The following CCDC146 variants were observed in gnomAD, a reference collection of about 807,000 sequenced individuals.
CCDC146 encodes coiled-coil domain-containing protein 146.
CCDC146 carries 92 observed loss-of-function variants against 119.3 expected under a neutral mutation model. That is an observed-to-expected ratio of 0.77 (90% confidence interval 0.65 to 0.92). CCDC146 has a LOEUF of 0.92. Among genes scored for constraint, CCDC146 ranks in the 40% least tolerant of loss-of-function variants. The pLI is 0.00. For missense variants in CCDC146, 1,000 were observed against 1,103.0 expected, an observed-to-expected ratio of 0.91 and a Z score of 1.32; for synonymous variants, 372 against 371.8, an observed-to-expected ratio of 1.00 and a Z score of -0.01.
intron 3 of CCDC146, 30 bp from the exon 4 acceptor site, chr7:77,241,661 A>T (rs1158580076): frequency 6.3e-7 from 1 of 1,599,900 alleles, no homozygotes; most frequent in African/African-American, 1.3e-5. Flanking sequence ...ATGTCTCATT[A>T]TGTGAGTCTC....
chr7:77,272,374 T>C (rs935337769), intron 9 of CCDC146, among the ~76,000 whole-genome samples: 7 of 152,206 alleles, frequency 4.6e-5, no homozygotes, highest in African/African-American at 1.7e-4. Flanking sequence ...CTACTGAAGA[T>C]ACCCTGATTC....
intron 9 of CCDC146, among the ~76,000 whole-genome samples, chr7:77,263,257 G>T (rs1163542948): frequency 6.6e-6 from 1 of 152,168 alleles, no homozygotes; most frequent in East Asian, 1.9e-4. Flanking sequence ...AGACAAAAGT[G>T]ACACGTGTCA....
intron 1 of CCDC146, among the ~76,000 whole-genome samples, chr7:77,163,453 A>G (rs575533283): frequency 6.6e-6 from 1 of 152,212 alleles, no homozygotes; most frequent in Non-Finnish European, 1.5e-5. Context: ...GTCTCAAAAA[A>G]AAAAATACAC....
At chr7:77,130,161 G>A (rs774315923) in intron 1 of CCDC146, among the ~76,000 whole-genome samples, 1 of 152,086 alleles carries the variant, frequency 6.6e-6, no homozygotes, top group Non-Finnish European at 1.5e-5. Context: ...TTGTGAAATT[G>A]TGGAGAAGAC....
chr7:77,126,849 A>G (rs1283729165), intron 1 of CCDC146, among the ~76,000 whole-genome samples: 2 of 152,026 alleles, frequency 1.3e-5, no homozygotes, highest in East Asian at 1.9e-4. Context: ...TGAGTCCCCA[A>G]ACTGGTATGC....
intron 15 of CCDC146, among the ~76,000 whole-genome samples, chr7:77,284,859 G>C (rs1793821652): frequency 6.6e-6 from 1 of 151,984 alleles, no homozygotes; most frequent in Admixed American, 6.6e-5. Context: ...CATCAATCAT[G>C]TGTACCCTTG....
At chr7:77,286,192 G>A (rs542427028) in intron 15 of CCDC146, among the ~76,000 whole-genome samples, 63 of 152,332 alleles carry the variant, frequency 4.1e-4, no homozygotes, top group African/African-American at 1.4e-3. Context: ...ATGGTGGAAA[G>A]CAAAGGGGGC....
chr7:77,213,453 G>C (rs1792228158), intron 2 of CCDC146, among the ~76,000 whole-genome samples: 1 of 152,102 alleles, frequency 6.6e-6, no homozygotes, highest in Non-Finnish European at 1.5e-5. Context: ...TAGCATAGCT[G>C]TCATTTCAAA....
At position 77,196,943 on chromosome 7, in the gene CCDC146, A is replaced by G. The variant is rs1447925372; in HGVS notation, c.156+29119A>G. The G allele has an allele frequency of 5.6e-6, 9 of 1,612,902 alleles. No homozygotes were observed. The highest frequency in any genetic ancestry group is 5.3e-5 in the African/African-American group (4 of 74,910). On this transcript the variant is annotated intron_variant, in intron 2 of 18. Coordinates refer to ENST00000285871, the MANE Select transcript of CCDC146 (RefSeq NM_020879.3). The surrounding 1 kb of genome is among the most constrained non-coding windows in gnomAD (Gnocchi z 4.2). ...GTAGGTCTCACTGCTTCTTTTGCCT[A>G]TTGCGTAGTAGTCAGAGCAATCTTT...
intron 1 of CCDC146, among the ~76,000 whole-genome samples, chr7:77,155,862 C>T (rs554294773): frequency 6.0e-4 from 92 of 152,106 alleles, no homozygotes; most frequent in African/African-American, 1.9e-3. Flanking sequence ...CATCATGAGC[C>T]CACATGTTAT....
chr7:77,140,681 A>G (rs1268267296), intron 1 of CCDC146, among the ~76,000 whole-genome samples: 1 of 152,140 alleles, frequency 6.6e-6, no homozygotes, highest in African/African-American at 2.4e-5. Flanking sequence ...AGTCAATAGC[A>G]CCCGTCCTCT....
chr7:77,199,390 C>T (rs1426171091), intron 2 of CCDC146: 2 of 1,614,162 alleles, frequency 1.2e-6, no homozygotes, highest in Admixed American at 3.3e-5. Context: ...GTTAACCTCA[C>T]TCTCTAATTC....
At chr7:77,275,325 G>A (rs1793613387) in intron 11 of CCDC146, among the ~76,000 whole-genome samples, 1 of 152,086 alleles carries the variant, frequency 6.6e-6, no homozygotes, top group South Asian at 2.1e-4. Context: ...GTATACCAAG[G>A]AACCACTATA....
intron 2 of CCDC146, among the ~76,000 whole-genome samples, chr7:77,178,000 C>A (rs2150414371): frequency 6.6e-6 from 1 of 152,270 alleles, no homozygotes; most frequent in Admixed American, 6.5e-5. Flanking sequence ...TTGTAATGCA[C>A]TTAAATATTT....
At chr7:77,139,344 A>T (rs528331580) in intron 1 of CCDC146, among the ~76,000 whole-genome samples, 1 of 152,364 alleles carries the variant, frequency 6.6e-6, no homozygotes, top group African/African-American at 2.4e-5. Context: ...GATAGTGATC[A>T]CTAGGGAGTT....
chr7:77,171,067 T>A (rs1175253341), intron 2 of CCDC146, among the ~76,000 whole-genome samples: 4 of 152,190 alleles, frequency 2.6e-5, no homozygotes, highest in Admixed American at 2.6e-4. Flanking sequence ...AAATTTCTAC[T>A]TCTCCACCAC....
At chr7:77,202,490 T>G (rs1181623068) in intron 2 of CCDC146, among the ~76,000 whole-genome samples, 1 of 152,172 alleles carries the variant, frequency 6.6e-6, no homozygotes, top group Non-Finnish European at 1.5e-5. Context: ...CTAAAAAGCT[T>G]GGATGTGCTT....
intron 1 of CCDC146, among the ~76,000 whole-genome samples, chr7:77,129,649 T>G (rs957025706): frequency 6.6e-6 from 1 of 152,078 alleles, no homozygotes; most frequent in Non-Finnish European, 1.5e-5. Flanking sequence ...TCTCTACTGA[T>G]CTGTCTTCAA....
At chr7:77,126,080 G>A (rs1584008938) in intron 1 of CCDC146, among the ~76,000 whole-genome samples, 1 of 152,040 alleles carries the variant, frequency 6.6e-6, no homozygotes, top group Non-Finnish European at 1.5e-5. Flanking sequence ...ACAACAATTA[G>A]GAAGTTAGCA....
Sources: allele counts gnomAD v4.1 joint callset (sites outside exome capture counted in the v4.1 genomes callset), GRCh38; gene constraint gnomAD v4.1.1; non-coding constraint Gnocchi (gnomAD v3.1); transcripts MANE v1.5; gene names NCBI Gene and HGNC (gene_info 2026-07-23, HGNC 2026-07-21).